Variants in FAM163A observed in about 807,000 individuals in gnomAD.
FAM163A encodes the protein protein FAM163A.
A neutral mutation model predicts 12.0 loss-of-function variants in FAM163A; 7 were observed. The observed-to-expected ratio is 0.58, with a 90% CI of 0.33 to 1.10. The LOEUF is 1.10. Among genes scored for constraint, FAM163A ranks in the 50% least tolerant of loss-of-function variants. FAM163A has a pLI of 0.03. For missense variants in FAM163A, 202 were observed against 218.6 expected, an observed-to-expected ratio of 0.92 and a Z score of 0.48; for synonymous variants, 101 against 91.0, an observed-to-expected ratio of 1.11 and a Z score of -0.62.
At chr1:179,790,402 A>G (rs1028696768) in intron 1 of FAM163A, among the ~76,000 whole-genome samples, 159 of 152,178 alleles carry the variant, frequency 1.0e-3, no homozygotes, top group African/African-American at 3.0e-3. Context: ...TGATTTGCCC[A>G]GTTTACACAG....
Position 179,783,770 on chromosome 1 carries a change from T to TTA in FAM163A, c.-135-24018_-135-24017dup, listed in dbSNP as rs540238314. Among the ~76,000 whole-genome samples the TTA allele has an allele frequency of 2.7e-3, 391 of 144,808 alleles. 5 individuals carry two copies. Among genetic ancestry groups the TTA allele is most frequent in the African/African-American group, 9.2e-3 (360 of 39,334 alleles). The allele number at this position is 144,808 out of a possible 152,430, so 95.0% of individuals were successfully genotyped here. A position where few individuals can be genotyped will look rare whatever the true frequency, so the allele number is the denominator to read the frequency against. ...TATTATATATATATTATATAATTTATTATATATATATTATATAATTTATTA... is the reference window on the plus strand; with the variant it reads ...TATTATATATATATTATATAATTTATTATATATATATATTATATAATTTATTA... On this transcript the variant is annotated intron_variant, in intron 1 of 4. Transcript: ENST00000341785.
intron 2 of FAM163A, among the ~76,000 whole-genome samples, chr1:179,809,106 CA>C (rs35163204): frequency 6.6e-5 from 10 of 151,292 alleles, no homozygotes; most frequent in African/African-American, 2.2e-4. Context: ...GACCCTGTCT[CA>C]AAAAAAAATT....
the FAM163A span, among the ~76,000 whole-genome samples, chr1:179,735,580 C>G: frequency 5.7e-4 from 82 of 143,762 alleles, no homozygotes; most frequent in African/African-American, 2.0e-3. Context: ...CTCCACTCAC[C>G]GCAAGCTCTG....
At chr1:179,739,119 AAGAAGG>A (rs759732426), upstream of FAM163A, among the ~76,000 whole-genome samples, 8 of 152,124 alleles carry the variant, frequency 5.3e-5, no homozygotes, top group East Asian at 1.9e-4. Flanking sequence ...GAAGAAGGAG[AAGAAGG>A]AGAAGGAGAA....
At chr1:179,754,577 G>A (rs1272139802) in intron 1 of FAM163A, among the ~76,000 whole-genome samples, 1 of 152,100 alleles carries the variant, frequency 6.6e-6, no homozygotes. Context: ...ACGTAAAGAT[G>A]AAATGAACAT....
At chr1:179,812,172 C>T (rs1193107476) in intron 3 of FAM163A, 41 bp downstream of exon 3, 1 of 152,814 alleles carries the variant, frequency 6.5e-6, no homozygotes, top group East Asian at 1.9e-4. Context: ...AAGATGCCAA[C>T]TTCCCATTCC....
Position 179,815,107 on chromosome 1 carries a change from GCGCAC to G in FAM163A, c.*919_*923del, listed in dbSNP as rs1695200320. 1 of 64,828 alleles carries G rather than the reference GCGCAC, an allele frequency of 1.5e-5. No homozygotes were observed. The highest frequency in any genetic ancestry group is 7.7e-5 in the African/African-American group (1 of 12,970). 4.0% of individuals were successfully genotyped at this position (64,828 alleles called of 1,614,324 possible). On this transcript the variant is annotated 3_prime_UTR_variant, in exon 5 of 5. Coordinates refer to ENST00000341785, the MANE Select transcript of FAM163A (RefSeq NM_173509.3). ...CCCAGGTGTACGCACGCGCGCGCGC[GCGCAC>G]AGACACACACACACACACACACACA...
At chr1:179,772,391 A>T (rs1002482836) in intron 1 of FAM163A, among the ~76,000 whole-genome samples, 1 of 152,078 alleles carries the variant, frequency 6.6e-6, no homozygotes, top group African/African-American at 2.4e-5. Flanking sequence ...TTCAGTCTTT[A>T]TGTCTCCAGA....
At chr1:179,779,480 A>C (rs1406545411) in intron 1 of FAM163A, among the ~76,000 whole-genome samples, 1 of 152,062 alleles carries the variant, frequency 6.6e-6, no homozygotes, top group Admixed American at 6.5e-5. Flanking sequence ...CAGCATAGAG[A>C]CCTGCTCCCT....
In FAM163A at chr1:179,756,386, T is replaced by C. The variant is rs191909415; in HGVS notation, c.-136+12963T>C. Among the ~76,000 whole-genome samples, 63 of 151,972 alleles carry C rather than the reference T, an allele frequency of 4.1e-4. No individual in the cohort carries two copies. In the East Asian group the frequency reaches 0.011, roughly 27 times the overall value. On this transcript the variant is annotated intron_variant, in intron 1 of 4. Transcript: ENST00000341785. ...AGAGAAAATGTGCAGGACCTGGAGATTGATTGGATGTGAGGGGAGAGAAAG... is the reference window on the plus strand; with the variant it reads ...AGAGAAAATGTGCAGGACCTGGAGACTGATTGGATGTGAGGGGAGAGAAAG...
At chr1:179,768,825 C>G (rs1365801132) in intron 1 of FAM163A, among the ~76,000 whole-genome samples, 1 of 152,022 alleles carries the variant, frequency 6.6e-6, no homozygotes, top group Non-Finnish European at 1.5e-5. Context: ...AGGATGGTCT[C>G]GATCTCCTGA....
At chr1:179,738,378 A>T (rs1216468008), upstream of FAM163A, among the ~76,000 whole-genome samples, 1 of 152,244 alleles carries the variant, frequency 6.6e-6, no homozygotes, top group Non-Finnish European at 1.5e-5. Context: ...TACAATTATT[A>T]CATGTCAATT....
At chr1:179,763,384 G>A (rs1687070857) in intron 1 of FAM163A, among the ~76,000 whole-genome samples, 1 of 152,184 alleles carries the variant, frequency 6.6e-6, no homozygotes, top group African/African-American at 2.4e-5. Context: ...TTTTGGCATG[G>A]CACGTTCTGG....
chr1:179,781,834 T>G (rs1689788642), intron 1 of FAM163A, among the ~76,000 whole-genome samples: 1 of 149,578 alleles, frequency 6.7e-6, no homozygotes, highest in African/African-American at 2.5e-5. Context: ...CTCGGGAGGC[T>G]GAGGCAGGAG....
At position 179,743,429 on chromosome 1, in the gene FAM163A, G is replaced by C. The variant is rs541398318; in HGVS notation, c.-136+6G>C. 3 of 152,362 alleles carry C rather than the reference G, an allele frequency of 2.0e-5. No individual in the cohort carries two copies. Among genetic ancestry groups the C allele is most frequent in the Non-Finnish European group, 4.4e-5 (3 of 68,054 alleles). The allele number at this position is 152,362 out of a possible 1,614,324, so 9.4% of individuals were successfully genotyped here. On this transcript the variant is annotated splice_donor_region_variant and intron_variant, in intron 1 of 4. Transcript: ENST00000341785. ...AGCGGAGCTGCTCAGCCGCGGTAAC[G>C]GGTCGGGGCCTCATCGTGCAGGGGA...
chr1:179,744,216 G>T (rs1312908792), intron 1 of FAM163A, among the ~76,000 whole-genome samples: 1 of 152,178 alleles, frequency 6.6e-6, no homozygotes, highest in Non-Finnish European at 1.5e-5. Context: ...TGGGGCCGCG[G>T]TGTCCTTGCT....
chr1:179,781,220 G>C (rs1689678730), intron 1 of FAM163A, among the ~76,000 whole-genome samples: 1 of 152,140 alleles, frequency 6.6e-6, no homozygotes, highest in Non-Finnish European at 1.5e-5. Context: ...TCTGGAATCT[G>C]ATAGTGGTGA....
intron 1 of FAM163A, among the ~76,000 whole-genome samples, chr1:179,803,771 C>CT: frequency 6.6e-6 from 1 of 151,458 alleles, no homozygotes; most frequent in South Asian, 2.1e-4. Flanking sequence ...ATTTCACCAT[C>CT]TTGACCAGGC....
intron 1 of FAM163A, among the ~76,000 whole-genome samples, chr1:179,805,545 A>G (rs1339665340): frequency 2.2e-5 from 3 of 139,132 alleles, no homozygotes; most frequent in Non-Finnish European, 4.6e-5. Context: ...ACTCCGTCTC[A>G]AAAAAAAAAA....
Sources: gnomAD v4.1 joint callset for allele counts (sites outside exome capture counted in the v4.1 genomes callset) on GRCh38, gnomAD v4.1.1 for gene constraint, MANE v1.5 for transcripts, NCBI Gene and HGNC (gene_info 2026-07-23, HGNC 2026-07-21) for gene names.